The following FNTA variants were observed in gnomAD, a reference collection of about 807,000 sequenced individuals.
FNTA encodes protein farnesyltransferase/geranylgeranyltransferase type-1 subunit alpha.
Under a neutral mutation model 55.2 loss-of-function variants are expected in FNTA, and 27 were observed. The observed-to-expected ratio is 0.49, with a 90% confidence interval of 0.36 to 0.67. FNTA has a LOEUF of 0.67. Ranked by LOEUF, FNTA falls within the 30% of genes least tolerant of loss-of-function variation. The probability of loss-of-function intolerance (pLI) is 0.00; values close to 1 mark genes in which losing one functional copy is unlikely to be tolerated. For missense variants in FNTA, 422 were observed against 464.7 expected, an observed-to-expected ratio of 0.91 and a Z score of 0.85; for synonymous variants, 176 against 170.7, an observed-to-expected ratio of 1.03 and a Z score of -0.24.
intron 3 of FNTA, among the ~76,000 whole-genome samples, chr8:43,068,893 G>A (rs1250350684): frequency 6.6e-6 from 1 of 151,744 alleles, no homozygotes; most frequent in Non-Finnish European, 1.5e-5. Context: ...TGCATTTTTA[G>A]TAGAGATGGG....
intron 7 of FNTA, among the ~76,000 whole-genome samples, chr8:43,084,102 G>C (rs1275186259): frequency 6.6e-6 from 1 of 151,300 alleles, no homozygotes; most frequent in African/African-American, 2.4e-5. Context: ...ATCTCTCCTG[G>C]TTTTGTCCTT....
At position 43,085,315 on chromosome 8, in the gene FNTA, A is replaced by T. The variant is rs1563331944; in HGVS notation, c.*33A>T. On this transcript the variant is annotated 3_prime_UTR_variant, in exon 9 of 9. Coordinates refer to ENST00000302279, the MANE Select transcript of FNTA (RefSeq NM_002027.3). ...CAGAAGAACTTGATGGAATGCTTTT[A>T]TTTTTTATTAAGGGACCCTGCAGGA... 2 of 1,594,036 alleles carry T rather than the reference A, an allele frequency of 1.3e-6. No individual in the cohort carries two copies. Among genetic ancestry groups the T allele is most frequent in the South Asian group, 2.3e-5 (2 of 86,984 alleles).
chr8:43,060,608 GA>G (rs1810508331), intron 2 of FNTA, among the ~76,000 whole-genome samples: 1 of 151,830 alleles, frequency 6.6e-6, no homozygotes, highest in Non-Finnish European at 1.5e-5. Flanking sequence ...CTGAGAGGTG[GA>G]GGTTGCAGTG....
chr8:43,065,075 C>T (rs1563326544), intron 3 of FNTA, among the ~76,000 whole-genome samples: 1 of 151,672 alleles, frequency 6.6e-6, no homozygotes, highest in Non-Finnish European at 1.5e-5. Context: ...ACCTCGTGAT[C>T]CGCCCACCTC....
chr8:43,069,509 A>C, intron 3 of FNTA, 46 bp from the exon 4 acceptor site: 1 of 1,159,940 alleles, frequency 8.6e-7, no homozygotes, highest in South Asian at 1.3e-5. Flanking sequence ...TTATTAGGGA[A>C]CTTCTGTGTA....
chr8:43,083,328 G>A (rs1421090162), intron 7 of FNTA, 148 bp downstream of exon 7: 7 of 532,662 alleles, frequency 1.3e-5, no homozygotes, highest in African/African-American at 1.2e-4. Flanking sequence ...ACAGCATTAT[G>A]GAAACTCTCT....
At chr8:43,061,090 T>C (rs1407692633) in intron 2 of FNTA, among the ~76,000 whole-genome samples, 1 of 152,238 alleles carries the variant, frequency 6.6e-6, no homozygotes, top group Non-Finnish European at 1.5e-5. Flanking sequence ...CTTGATATTA[T>C]ATTAGGTATT....
chr8:43,084,232 T>C (rs1262181264), intron 7 of FNTA, among the ~76,000 whole-genome samples: 1 of 150,112 alleles, frequency 6.7e-6, no homozygotes, highest in Non-Finnish European at 1.5e-5. Context: ...TTTTTTTTTT[T>C]TTTTGGAGAC....
intron 4 of FNTA, among the ~76,000 whole-genome samples, chr8:43,071,398 C>T (rs1047279879): frequency 6.6e-5 from 10 of 151,926 alleles, no homozygotes; most frequent in Non-Finnish European, 1.0e-4. Flanking sequence ...TGGCCGGGCG[C>T]GGTGGCTCAC....
intron 3 of FNTA, among the ~76,000 whole-genome samples, chr8:43,064,794 CTG>C (rs1810615869): frequency 6.6e-6 from 1 of 151,462 alleles, no homozygotes; most frequent in Non-Finnish European, 1.5e-5. Context: ...ATTTGCTTAA[CTG>C]TTATTATTTT....
In FNTA at chr8:43,085,225, A is replaced by G; in HGVS notation, c.1083A>G (p.Arg361=). ...IRKEYWRYIG[R]SLQSKHSTEN... ...AGGAATATTGGAGATACATTGGAAG[A>G]TCCCTTCAAAGCAAACACAGCACAG... Residue 361 remains arginine, a synonymous_variant, in exon 9 of 9, where the codon AGA becomes AGG. Coordinates refer to ENST00000302279, the MANE Select transcript of FNTA (RefSeq NM_002027.3). 3 of 1,605,702 alleles carry G rather than the reference A, an allele frequency of 1.9e-6. No individual in the cohort carries two copies. The highest frequency in any genetic ancestry group is 2.6e-6 in the Non-Finnish European group (3 of 1,175,380).
chr8:43,056,499 G>A lies in FNTA; in HGVS notation c.153G>A (p.Met51Ile), dbSNP rs1810403660. Residue 51 changes from methionine to isoleucine, a missense_variant, in exon 1 of 9, where the codon ATG (methionine) becomes ATA (isoleucine). By Grantham distance (10) the Met-to-Ile change is conservative. This residue lies in a region of FNTA where 160 missense variants were observed against 121.6 expected (regional missense o/e 1.32). Transcript: ENST00000302279. ...CTGGGGAAGCCGTGGCGTCCCCCAT[G>A]GACGACGGGTTTGTGAGCCTGGACT... ...AEAGEAVASPMDDGFVSLDSP... is the reference protein window; with the variant it reads ...AEAGEAVASPIDDGFVSLDSP... 1 of 1,571,686 alleles carries A rather than the reference G, an allele frequency of 6.4e-7. No homozygotes were observed.
intron 2 of FNTA, among the ~76,000 whole-genome samples, chr8:43,062,665 G>A (rs1478865580): frequency 2.0e-5 from 3 of 152,166 alleles, no homozygotes. Context: ...TCATATTCGT[G>A]TCTGATACTT....
chr8:43,057,060 C>T (rs1354759701), intron 1 of FNTA: 2 of 152,178 alleles, frequency 1.3e-5, no homozygotes, highest in African/African-American at 4.8e-5. Flanking sequence ...ATTTTAGCGC[C>T]TCGTATCAGC....
At chr8:43,067,414 G>T (rs565506558) in intron 3 of FNTA, among the ~76,000 whole-genome samples, 1 of 152,250 alleles carries the variant, frequency 6.6e-6, no homozygotes, top group South Asian at 2.1e-4. Context: ...GTTCTTGTGG[G>T]TTTATTCCTT....
chr8:43,059,127 C>T lies in FNTA; in HGVS notation c.236C>T (p.Pro79Leu), dbSNP rs748129607. The part of the protein sequence containing the change: ...RAEWADIDPV[P>L]QNDGPNPVVQ... ...GAATGGGCTGATATAGATCCGGTGC[C>T]GCAGAATGATGGCCCCAATCCCGTG... Residue 79 changes from proline to leucine, a missense_variant, in exon 2 of 9, where the codon CCG becomes CTG. This residue lies in a region of FNTA where 160 missense variants were observed against 121.6 expected (regional missense o/e 1.32). Coordinates refer to ENST00000302279, the MANE Select transcript of FNTA (RefSeq NM_002027.3). 27 of 1,613,434 alleles carry T rather than the reference C, an allele frequency of 1.7e-5. No individual in the cohort carries two copies. The highest frequency in any genetic ancestry group is 2.7e-5 in the African/African-American group (2 of 74,860).
intron 7 of FNTA, among the ~76,000 whole-genome samples, chr8:43,084,447 C>T (rs1356899204): frequency 1.3e-5 from 2 of 152,090 alleles, no homozygotes; most frequent in Non-Finnish European, 2.9e-5. Context: ...GTCTTGAACT[C>T]CTGGGTTCAA....
At chr8:43,066,704 T>C (rs1425742394) in intron 3 of FNTA, among the ~76,000 whole-genome samples, 1 of 152,198 alleles carries the variant, frequency 6.6e-6, no homozygotes, top group Admixed American at 6.6e-5. Context: ...TGACTTTCTC[T>C]TTATGCGTAT....
chr8:43,082,042 T>C (rs551587913), intron 6 of FNTA: 3 of 152,224 alleles, frequency 2.0e-5, no homozygotes, highest in East Asian at 3.9e-4. Context: ...GTTGGAAAAG[T>C]ATTTTTATAA....
Sources: gnomAD v4.1 joint callset for allele counts (sites outside exome capture counted in the v4.1 genomes callset) on GRCh38, gnomAD v4.1.1 for gene constraint, gnomAD v4.1.1 regional missense constraint, MANE v1.5 for transcripts, NCBI Gene and HGNC (gene_info 2026-07-23, HGNC 2026-07-21) for gene names.